Variants in CFAP96 observed in about 807,000 individuals in gnomAD.
CFAP96 encodes cilia and flagella associated protein 96.
chr4:185,418,920 T>TA, the CFAP96 span: 3 of 623,754 alleles, frequency 4.8e-6, no homozygotes, highest in Non-Finnish European at 5.2e-6. Flanking sequence ...CCTATCTTTT[T>TA]AAAAAAGTCT....
chr4:185,426,216 C>T, the CFAP96 span: 5 of 336,036 alleles, frequency 1.5e-5, 1 homozygote, highest in Non-Finnish European at 2.3e-5. Flanking sequence ...CCCGGGGCAA[C>T]ACATCACACA....
At chr4:185,439,322 C>A in the CFAP96 span, among the ~76,000 whole-genome samples, 1 of 152,002 alleles carries the variant, frequency 6.6e-6, no homozygotes, top group Non-Finnish European at 1.5e-5. Flanking sequence ...GAGAGCAGAT[C>A]ACCAAGAATG....
chr4:185,443,320 G>GTA, the CFAP96 span, among the ~76,000 whole-genome samples: 62 of 55,988 alleles, frequency 1.1e-3, 1 homozygote, highest in Middle Eastern at 0.01. Context: ...TATTTTTTAT[G>GTA]TATATATATA....
chr4:185,428,621 C>T, the CFAP96 span, among the ~76,000 whole-genome samples: 1 of 150,944 alleles, frequency 6.6e-6, no homozygotes, highest in East Asian at 1.9e-4. Flanking sequence ...CAATTAATTT[C>T]TAAATAAAGA....
At chr4:185,419,232 C>G in the CFAP96 span, among the ~76,000 whole-genome samples, 14 of 152,000 alleles carry the variant, frequency 9.2e-5, no homozygotes, top group Non-Finnish European at 1.6e-4. Flanking sequence ...CCCGGGTTCA[C>G]GCCATTCTCC....
chr4:185,411,623 G>A, the CFAP96 span, among the ~76,000 whole-genome samples: 1 of 151,864 alleles, frequency 6.6e-6, no homozygotes, highest in South Asian at 2.1e-4. Context: ...AAGTATTTAA[G>A]GGTAAATAAT....
chr4:185,429,212 G>A, the CFAP96 span: 3 of 434,276 alleles, frequency 6.9e-6, no homozygotes, highest in South Asian at 5.1e-5. Flanking sequence ...TCCCCATGGA[G>A]TATGAGGCTA....
chr4:185,442,438 C>A, the CFAP96 span, among the ~76,000 whole-genome samples: 7 of 151,790 alleles, frequency 4.6e-5, no homozygotes, highest in African/African-American at 1.7e-4. Context: ...AAGTATTTTT[C>A]CCCATCATAT....
the CFAP96 span, among the ~76,000 whole-genome samples, chr4:185,438,094 T>C: frequency 4.6e-5 from 7 of 152,080 alleles, no homozygotes; most frequent in Admixed American, 6.6e-5. Flanking sequence ...TTGAGGTTTA[T>C]TGAGCTTCTT....
the CFAP96 span, among the ~76,000 whole-genome samples, chr4:185,418,034 A>C: frequency 2.6e-5 from 4 of 151,644 alleles, no homozygotes; most frequent in African/African-American, 9.7e-5. Flanking sequence ...AAAAGAGTGA[A>C]ACTCCATCTC....
chr4:185,449,556 G>T, the CFAP96 span: 3 of 1,282,888 alleles, frequency 2.3e-6, no homozygotes, highest in Admixed American at 2.4e-5. Context: ...TATTTGACTT[G>T]CACCTATAAA....
chr4:185,438,615 T>A, the CFAP96 span, among the ~76,000 whole-genome samples: 1 of 152,214 alleles, frequency 6.6e-6, no homozygotes, highest in African/African-American at 2.4e-5. Flanking sequence ...GCAATTTTTT[T>A]ATTGGATGTC....
At chr4:185,420,407 C>A in the CFAP96 span, among the ~76,000 whole-genome samples, 1 of 152,088 alleles carries the variant, frequency 6.6e-6, no homozygotes. Context: ...GACAATCTTT[C>A]AATACTCATC....
the CFAP96 span, among the ~76,000 whole-genome samples, chr4:185,435,561 G>T: frequency 6.6e-6 from 1 of 152,146 alleles, no homozygotes; most frequent in African/African-American, 2.4e-5. Context: ...TGGAAGAAAA[G>T]AAAATATTTG....
the CFAP96 span, among the ~76,000 whole-genome samples, chr4:185,437,074 G>C: frequency 1.3e-5 from 2 of 152,114 alleles, no homozygotes; most frequent in African/African-American, 4.8e-5. Flanking sequence ...AATACTTTTG[G>C]GCTGATCAAG....
chr4:185,435,638 T>C, the CFAP96 span, among the ~76,000 whole-genome samples: 1 of 152,186 alleles, frequency 6.6e-6, no homozygotes, highest in Non-Finnish European at 1.5e-5. Flanking sequence ...TTTCTGTCAG[T>C]AGTGGAAACA....
the CFAP96 span, chr4:185,418,557 A>G: frequency 6.2e-7 from 1 of 1,610,788 alleles, no homozygotes; most frequent in Non-Finnish European, 8.5e-7. Context: ...TGTTTTGAAA[A>G]CATTTCTAGA....
At chr4:185,426,243 G>C in the CFAP96 span, 2 of 259,716 alleles carry the variant, frequency 7.7e-6, no homozygotes, top group Admixed American at 9.6e-5. Context: ...GCCAGCTGTG[G>C]TGGAACGTGC....
chr4:185,413,924 T>G, the CFAP96 span: 3 of 1,473,994 alleles, frequency 2.0e-6, no homozygotes, highest in Non-Finnish European at 2.7e-6. Context: ...TGATTTAGAT[T>G]CCTAGTCAAT....
Sources: gnomAD v4.1 joint callset for allele counts (sites outside exome capture counted in the v4.1 genomes callset) on GRCh38, gnomAD v4.1.1 for gene constraint, MANE v1.5 for transcripts, NCBI Gene and HGNC (gene_info 2026-07-23, HGNC 2026-07-21) for gene names.